Variants in DPP10 observed in about 807,000 individuals in gnomAD.
The protein encoded by DPP10 is inactive dipeptidyl peptidase 10.
Under a neutral mutation model 120.9 loss-of-function variants are expected in DPP10, and 33 were observed. The ratio of observed to expected loss-of-function variants is 0.27; its 90% CI spans 0.21 to 0.37. The LOEUF (loss-of-function observed/expected upper bound fraction) is 0.37, where lower values mean the gene tolerates loss of function less well. DPP10 is among the 10% of genes least tolerant of loss of function. The probability of loss-of-function intolerance (pLI) is 1.00; values close to 1 mark genes in which losing one functional copy is unlikely to be tolerated. For synonymous variants in DPP10, 337 were observed against 326.1 expected, an observed-to-expected ratio of 1.03 and a Z score of -0.36; for missense variants, 816 against 942.8, an observed-to-expected ratio of 0.87 and a Z score of 1.76.
At chr2:115,171,947 G>T (rs1464837221) in intron 1 of DPP10, among the ~76,000 whole-genome samples, 1 of 152,146 alleles carries the variant, frequency 6.6e-6, no homozygotes, top group Non-Finnish European at 1.5e-5. Flanking sequence ...CGTAAACTGT[G>T]AAATTCACTA....
At chr2:115,747,455 T>C (rs1678126875) in intron 10 of DPP10, among the ~76,000 whole-genome samples, 1 of 152,166 alleles carries the variant, frequency 6.6e-6, no homozygotes, top group Non-Finnish European at 1.5e-5. Context: ...AACTCTTATC[T>C]TTTTCTCTGG....
chr2:114,543,731 C>T (rs1687138441), intron 1 of DPP10, among the ~76,000 whole-genome samples: 1 of 152,060 alleles, frequency 6.6e-6, no homozygotes, highest in Non-Finnish European at 1.5e-5. Context: ...TGCTTTTAAA[C>T]ATGGCTGGCC....
intron 5 of DPP10, among the ~76,000 whole-genome samples, chr2:115,538,744 G>A (rs893030400): frequency 2.6e-5 from 4 of 151,858 alleles, no homozygotes; most frequent in Admixed American, 6.6e-5. Context: ...TTTTAGGTTG[G>A]TTAATAAAAT....
intron 1 of DPP10, among the ~76,000 whole-genome samples, chr2:115,279,655 C>CTTTTTTTCTTCTTCT (rs2060071332): frequency 4.7e-5 from 2 of 42,720 alleles, no homozygotes; most frequent in East Asian, 1.6e-3. Context: ...TTTTCTTCTT[C>CTTTTTTTCTTCTTCT]TTTTTTTTTT....
chr2:115,543,646 T>A (rs952402451), intron 5 of DPP10, among the ~76,000 whole-genome samples: 8 of 151,848 alleles, frequency 5.3e-5, no homozygotes, highest in African/African-American at 1.9e-4. Context: ...TTTTTTTTTG[T>A]CTCCCTCACA....
chr2:115,392,081 A>C (rs11678535), intron 3 of DPP10, among the ~76,000 whole-genome samples: 70,187 of 151,994 alleles, frequency 0.46, 17,215 homozygotes, highest in Non-Finnish European at 0.56. Flanking sequence ...ATGGTCATTA[A>C]GGTCCCTTTT....
intron 1 of DPP10, among the ~76,000 whole-genome samples, chr2:115,213,462 A>C (rs895743970): frequency 3.9e-5 from 6 of 152,110 alleles, no homozygotes; most frequent in Non-Finnish European, 7.4e-5. Flanking sequence ...TCATGGAACA[A>C]TGTGTGTTTA....
rs1039317638 is a variant in DPP10, at chr2:115,704,445, G to A, written c.576+14524G>A. 2.6e-5 allele frequency among the ~76,000 whole-genome samples: 4 copies of A among 151,832 alleles called. No homozygotes were observed. In the South Asian group the frequency reaches 8.3e-4, roughly 32 times the overall value. ...ACTGAGGGGGAACACCTAGAATACA[G>A]GATCTATTAAACATTTTTTCTCTCT... On this transcript the variant is annotated intron_variant, in intron 7 of 25. Transcript: ENST00000410059.
At position 114,705,281 on chromosome 2, in the gene DPP10, A is replaced by T. The variant is rs139258340; in HGVS notation, c.60+262443A>T. 6.1e-4 allele frequency among the ~76,000 whole-genome samples: 93 copies of T among 152,252 alleles called. 1 individual carries two copies. The East Asian group carries it at 0.013, about 21-fold the overall frequency. On this transcript the variant is annotated intron_variant, in intron 1 of 25. Coordinates refer to ENST00000410059, the MANE Select transcript of DPP10 (RefSeq NM_020868.6). ...TAATCTTTTAGCCCAGTACCTTTTAAATAGCCTTGTTATACTGGATGTACT... is the reference window on the plus strand; with the variant it reads ...TAATCTTTTAGCCCAGTACCTTTTATATAGCCTTGTTATACTGGATGTACT...
chr2:115,088,768 A>AAAAAC (rs775985067), intron 1 of DPP10, among the ~76,000 whole-genome samples: 4 of 134,828 alleles, frequency 3.0e-5, no homozygotes, highest in African/African-American at 5.2e-5. Context: ...AAAAAAAAAA[A>AAAAAC]ACCAAAAAAC....
At chr2:115,699,311 G>T (rs1385143578) in intron 7 of DPP10, among the ~76,000 whole-genome samples, 6 of 152,168 alleles carry the variant, frequency 3.9e-5, no homozygotes, top group Non-Finnish European at 7.3e-5. Flanking sequence ...TTCTGGAACT[G>T]ATGGCTTCAT....
chr2:114,593,143 C>A (rs193093730), intron 1 of DPP10, among the ~76,000 whole-genome samples: 1 of 151,882 alleles, frequency 6.6e-6, no homozygotes, highest in Non-Finnish European at 1.5e-5. Flanking sequence ...GGCAGCCTAC[C>A]GCAAAATCAA....
chr2:114,472,235 C>T (rs1408588946), intron 1 of DPP10, among the ~76,000 whole-genome samples: 3 of 152,172 alleles, frequency 2.0e-5, no homozygotes. Context: ...GCAAGGCATC[C>T]ACTGAAGTTA....
chr2:115,512,267 A>C (rs942415460), intron 4 of DPP10, among the ~76,000 whole-genome samples: 3 of 151,742 alleles, frequency 2.0e-5, no homozygotes, highest in Non-Finnish European at 4.4e-5. Context: ...TGTCTAGCTA[A>C]ATTTTTAATT....
At chr2:114,843,403 T>C (rs1397213517) in intron 1 of DPP10, among the ~76,000 whole-genome samples, 1 of 152,150 alleles carries the variant, frequency 6.6e-6, no homozygotes, top group Non-Finnish European at 1.5e-5. Flanking sequence ...CTTTGCATAA[T>C]ATCTTTGGCT....
chr2:114,564,587 G>T (rs1263457051), intron 1 of DPP10, among the ~76,000 whole-genome samples: 1 of 152,102 alleles, frequency 6.6e-6, no homozygotes, highest in Non-Finnish European at 1.5e-5. Flanking sequence ...TGAGGGAAAA[G>T]GTTTTTTCTC....
chr2:115,205,755 T>C (rs1461453400), intron 1 of DPP10, among the ~76,000 whole-genome samples: 1 of 152,162 alleles, frequency 6.6e-6, no homozygotes. Flanking sequence ...GAGGCCATTA[T>C]TGTCAGCAAT....
chr2:115,547,912 C>A (rs966201377), intron 5 of DPP10, among the ~76,000 whole-genome samples: 1 of 152,026 alleles, frequency 6.6e-6, no homozygotes, highest in East Asian at 1.9e-4. Context: ...AGATCAAAAT[C>A]GATTTTGTTT....
At chr2:114,658,331 C>A (rs1697116585) in intron 1 of DPP10, among the ~76,000 whole-genome samples, 1 of 152,042 alleles carries the variant, frequency 6.6e-6, no homozygotes. Flanking sequence ...CAAATTGGGA[C>A]CTGTTGAGAG....
Sources: allele counts gnomAD v4.1 joint callset (sites outside exome capture counted in the v4.1 genomes callset), GRCh38; gene constraint gnomAD v4.1.1; transcripts MANE v1.5; gene names NCBI Gene and HGNC (gene_info 2026-07-23, HGNC 2026-07-21).